VPS8: variants seen among roughly 807,000 people sequenced by gnomAD.
The protein encoded by VPS8 is vacuolar protein sorting-associated protein 8 homolog.
A neutral mutation model predicts 216.4 loss-of-function variants in VPS8; 129 were observed. The ratio of observed to expected loss-of-function variants is 0.60; its 90% confidence interval spans 0.52 to 0.69. The LOEUF (loss-of-function observed/expected upper bound fraction) is 0.69, where lower values mean the gene tolerates loss of function less well. VPS8 is among the 30% of genes least tolerant of loss of function. The pLI, the probability that VPS8 is intolerant of heterozygous loss-of-function variation, is 0.00. For synonymous variants in VPS8, 571 were observed against 565.4 expected (o/e 1.01, Z -0.14); for missense variants, 1,531 against 1,683.5 (o/e 0.91, Z 1.59).
intron 21 of VPS8, among the ~76,000 whole-genome samples, chr3:184,871,866 A>G (rs1383451182): frequency 6.6e-6 from 1 of 152,176 alleles, no homozygotes; most frequent in African/African-American, 2.4e-5. Context: ...AAGAATAGAT[A>G]TGGCAGTTAA....
intron 40 of VPS8, among the ~76,000 whole-genome samples, chr3:184,978,440 G>T (rs1455527196): frequency 1.3e-5 from 2 of 151,100 alleles, no homozygotes; most frequent in Non-Finnish European, 2.9e-5. Context: ...TTGAGGCAGG[G>T]TCTTGCTCTG....
rs577073120 is a variant in VPS8 at position 184,943,970 on chromosome 3, C to T, written c.3035+3727C>T. 5.3e-5 allele frequency among the ~76,000 whole-genome samples: 8 copies of T among 152,226 alleles called. No individual in the cohort carries two copies. In the East Asian group the frequency reaches 1.4e-3, roughly 26 times the overall value. On this transcript the variant is annotated intron_variant, in intron 36 of 47. Coordinates refer to ENST00000625842, the MANE Select transcript of VPS8 (RefSeq NM_001009921.3). Reference sequence around the variant, plus strand: ...TACAAAAATTAGCCGGGCGTGGTCACGCACACCTGTAATCTCAACTACTCA... The same window carrying T: ...TACAAAAATTAGCCGGGCGTGGTCATGCACACCTGTAATCTCAACTACTCA...
intron 15 of VPS8, 106 bp downstream of exon 15, chr3:184,860,171 G>T: frequency 9.9e-7 from 1 of 1,007,402 alleles, no homozygotes; most frequent in South Asian, 1.5e-5. Flanking sequence ...TTACCTTTAA[G>T]ATCATATGAA....
In VPS8 at chr3:184,996,461, A is replaced by C; in HGVS notation, c.3796A>C (p.Lys1266Gln). 1.9e-6 allele frequency: 3 copies of C among 1,607,138 alleles called. No homozygotes were observed. Among genetic ancestry groups the C allele is most frequent in the South Asian group, 2.2e-5 (2 of 90,118 alleles). Reference protein sequence around the residue: ...DYCSICLQQYKRRQEMADEII... With the variant: ...DYCSICLQQYQRRQEMADEII... ...CTGCTCTATATGTTTGCAGCAGTACAAGAGACGCCAAGAAATGGCTGATGA... is the reference window on the plus strand; with the variant it reads ...CTGCTCTATATGTTTGCAGCAGTACCAGAGACGCCAAGAAATGGCTGATGA... The change falls in exon 44 of 48, where the codon AAG becomes CAG. Residue 1266 changes from lysine (K) to glutamine (Q), a missense_variant. Lys to Gln is a moderately conservative substitution (Grantham distance 53). This residue lies in a region of VPS8 where 1,318 missense variants were observed against 1,468.4 expected (regional missense o/e 0.90). Coordinates refer to ENST00000625842, the MANE Select transcript of VPS8 (RefSeq NM_001009921.3).
rs540064379 is a variant in VPS8 at position 184,813,643 on chromosome 3, C to A, written c.-89+1418C>A. On this transcript the variant is annotated intron_variant, in intron 1 of 47. Transcript: ENST00000625842. The stretch of plus-strand genomic sequence containing the variant: ...AGAGGCATTTGTGAGAAAATTCTTT[C>A]CAGAGCTCTAACAGAGTAATATGTT... 2.0e-5 allele frequency: 3 copies of A among 152,288 alleles called. No homozygotes were observed. In the East Asian group the frequency reaches 5.8e-4, roughly 29 times the overall value. The allele number at this position is 152,288 out of a possible 1,614,324, so 9.4% of individuals were successfully genotyped here.
At chr3:184,828,175 C>A (rs1719205456) in intron 3 of VPS8, among the ~76,000 whole-genome samples, 1 of 152,048 alleles carries the variant, frequency 6.6e-6, no homozygotes, top group Non-Finnish European at 1.5e-5. Context: ...AGTCTCACTC[C>A]ATCGCCCAGG....
chr3:184,830,641 T>G (rs548861456), intron 3 of VPS8, among the ~76,000 whole-genome samples: 1 of 152,324 alleles, frequency 6.6e-6, no homozygotes, highest in South Asian at 2.1e-4. Flanking sequence ...AAGCCTGGCT[T>G]AATTCATCTG....
chr3:184,865,109 C>A (rs2108749657), intron 16 of VPS8, among the ~76,000 whole-genome samples: 1 of 152,064 alleles, frequency 6.6e-6, no homozygotes, highest in African/African-American at 2.4e-5. Flanking sequence ...GAAGATACAA[C>A]AATAGAAATT....
At chr3:184,873,643 C>A (rs889645627) in intron 21 of VPS8, among the ~76,000 whole-genome samples, 3 of 152,058 alleles carry the variant, frequency 2.0e-5, no homozygotes, top group Admixed American at 6.6e-5. Flanking sequence ...CCACACTATA[C>A]CACAGAACAA....
chr3:185,048,638 T>G lies in VPS8; in HGVS notation c.4137+79T>G, dbSNP rs1713490679. On this transcript the variant is annotated intron_variant, in intron 47 of 47. Transcript: ENST00000625842. The stretch of plus-strand genomic sequence containing the variant: ...TTTAGACAGGCAGTGTCTTGGAACC[T>G]CCCTCTAGCCTCCTTCTAGCCTGGA... 10 of 1,506,262 alleles carry G rather than the reference T, an allele frequency of 6.6e-6. No individual in the cohort carries two copies. The South Asian group carries it at 1.1e-4, about 17-fold the overall frequency. The allele number at this position is 1,506,262 out of a possible 1,614,324, so 93.3% of individuals were successfully genotyped here.
At chr3:184,950,161 G>A (rs1576951531) in intron 36 of VPS8, among the ~76,000 whole-genome samples, 1 of 142,186 alleles carries the variant, frequency 7.0e-6, no homozygotes, top group East Asian at 2.2e-4. Flanking sequence ...ACCCACCTCA[G>A]CCTCCCAAAG....
At chr3:184,870,672 T>C (rs1728168298) in intron 20 of VPS8, 44 bp from the exon 21 acceptor site, 2 of 1,450,180 alleles carry the variant, frequency 1.4e-6, no homozygotes, top group East Asian at 2.4e-5. Context: ...TGAAAAACTT[T>C]AGAGATATAT....
intron 40 of VPS8, among the ~76,000 whole-genome samples, chr3:184,973,730 A>G (rs1231975345): frequency 6.6e-6 from 1 of 152,012 alleles, no homozygotes; most frequent in Non-Finnish European, 1.5e-5. Context: ...TCTGGTAACC[A>G]TTCTACTCTA....
intron 17 of VPS8, 47 bp from the exon 18 acceptor site, chr3:184,867,977 A>T: frequency 6.3e-7 from 1 of 1,597,734 alleles, no homozygotes; most frequent in South Asian, 1.1e-5. Flanking sequence ...CTCCCAAAGA[A>T]GTCTGTTAAG....
intron 46 of VPS8, among the ~76,000 whole-genome samples, chr3:185,040,296 G>T (rs779489894): frequency 2.0e-5 from 3 of 152,206 alleles, no homozygotes; most frequent in Non-Finnish European, 4.4e-5. Context: ...TTAACAAGCA[G>T]TGTTCTGCCT....
chr3:184,852,458 T>C lies in VPS8; in HGVS notation c.754-42T>C, dbSNP rs763109717. 2.1e-5 allele frequency: 33 copies of C among 1,578,164 alleles called. No homozygotes were observed. The East Asian group carries it at 7.2e-4, about 34-fold the overall frequency. On this transcript the variant is annotated intron_variant, in intron 10 of 47. Coordinates refer to ENST00000625842, the MANE Select transcript of VPS8 (RefSeq NM_001009921.3). ...AATTTTTTCCTCCTTAATACTTGAC[T>C]GTTTAAAAATGTACAAGAAAATAAA...
Position 185,052,000 on chromosome 3 carries a change from T to A in VPS8, c.4262T>A (p.Ile1421Asn). Residue 1421 changes from isoleucine to asparagine, a missense_variant, in exon 48 of 48, where the codon ATT becomes AAT. Physicochemically the swap from Ile to Asn is moderately radical, Grantham distance 149. This residue lies in a region of VPS8 where 1,318 missense variants were observed against 1,468.4 expected (regional missense o/e 0.90). Transcript: ENST00000625842. ...AATGAGAACTTCCAGCTGCAGCTCA[T>A]TCCTCCACCTGTGACTGAGGATTGA... ...FQNENFQLQL[I>N]PPPVTED The A allele has an allele frequency of 6.2e-7, 1 of 1,612,960 alleles. No individual in the cohort carries two copies. Among genetic ancestry groups the A allele is most frequent in the Non-Finnish European group, 8.5e-7 (1 of 1,179,518 alleles).
Position 184,853,808 on chromosome 3 carries a change from C to T in VPS8, c.822-49C>T, listed in dbSNP as rs539944443. On this transcript the variant is annotated intron_variant, in intron 11 of 47. Coordinates refer to ENST00000625842, the MANE Select transcript of VPS8 (RefSeq NM_001009921.3). ...AGTAGTCCAGGTAGAGATAGTAGTGCCTTGGATCATTGCTAAATTGATTCT... is the reference window on the plus strand; with the variant it reads ...AGTAGTCCAGGTAGAGATAGTAGTGTCTTGGATCATTGCTAAATTGATTCT... The T allele has an allele frequency of 1.4e-5, 21 of 1,545,508 alleles. No homozygotes were observed. In the South Asian group the frequency reaches 2.5e-4, roughly 18 times the overall value.
intron 42 of VPS8, among the ~76,000 whole-genome samples, chr3:184,987,964 G>A (rs1295638263): frequency 6.6e-6 from 1 of 152,158 alleles, no homozygotes; most frequent in Non-Finnish European, 1.5e-5. Context: ...TTAATTTGTA[G>A]TTCTCTTACA....
Sources: gnomAD v4.1 joint callset for allele counts (sites outside exome capture counted in the v4.1 genomes callset) on GRCh38, gnomAD v4.1.1 for gene constraint, gnomAD v4.1.1 regional missense constraint, MANE v1.5 for transcripts, NCBI Gene and HGNC (gene_info 2026-07-23, HGNC 2026-07-21) for gene names.